TAOK1: variants seen among roughly 807,000 people sequenced by gnomAD.
TAOK1 encodes the protein serine/threonine-protein kinase TAO1.
In TAOK1, 21 loss-of-function variants were observed where a neutral mutation model predicts 138.3. That is an observed-to-expected ratio of 0.15 (90% CI 0.11 to 0.22). The LOEUF is 0.22. Ranked by LOEUF, TAOK1 falls within the 10% of genes least tolerant of loss-of-function variation. The pLI is 1.00. For missense variants in TAOK1, 651 were observed against 1,227.7 expected (o/e 0.53, Z 7.02); for synonymous variants, 361 against 398.4 (o/e 0.91, Z 1.12).
At chr17:29,400,371 CAA>C (rs1480857975) in intron 1 of TAOK1, among the ~76,000 whole-genome samples, 6 of 118,312 alleles carry the variant, frequency 5.1e-5, no homozygotes, top group African/African-American at 1.3e-4. Context: ...GCCTGGGAGA[CAA>C]GAGCAAAACT....
At chr17:29,515,322 G>A (rs1024475379) in intron 15 of TAOK1, among the ~76,000 whole-genome samples, 2 of 152,094 alleles carry the variant, frequency 1.3e-5, no homozygotes, top group African/African-American at 4.8e-5. Context: ...ATGTTTAACT[G>A]TATTTTTGTC....
chr17:29,499,811 T>C (rs779270263), intron 12 of TAOK1, among the ~76,000 whole-genome samples: 3 of 152,116 alleles, frequency 2.0e-5, no homozygotes, highest in Admixed American at 6.6e-5. Context: ...TCCACCTGCA[T>C]TGGCCTCCCA....
chr17:29,509,660 G>T (rs749513110), intron 14 of TAOK1, among the ~76,000 whole-genome samples: 1 of 151,862 alleles, frequency 6.6e-6, no homozygotes, highest in African/African-American at 2.4e-5. Flanking sequence ...TTGGGAGGCC[G>T]AGGTGAGAAG....
chr17:29,463,534 G>A (rs1298070555), intron 2 of TAOK1, among the ~76,000 whole-genome samples: 2 of 149,824 alleles, frequency 1.3e-5, no homozygotes, highest in Non-Finnish European at 2.9e-5. Context: ...TTGCGCCACC[G>A]CACTCCAGCC....
intron 13 of TAOK1, among the ~76,000 whole-genome samples, chr17:29,504,452 C>T (rs1163363491): frequency 6.6e-6 from 1 of 151,652 alleles, no homozygotes; most frequent in African/African-American, 2.4e-5. Flanking sequence ...GGTGGATCAC[C>T]TGAGGTCAGG....
At chr17:29,489,613 T>G in intron 8 of TAOK1, 51 bp from the exon 9 acceptor site, 1 of 1,265,286 alleles carries the variant, frequency 7.9e-7, no homozygotes, top group Non-Finnish European at 1.1e-6. Flanking sequence ...TGCCCAGGAC[T>G]TGAGTACCCC....
At chr17:29,530,254 A>G (rs2032079706) in intron 17 of TAOK1, among the ~76,000 whole-genome samples, 153 bp from the exon 18 acceptor site, 1 of 152,194 alleles carries the variant, frequency 6.6e-6, no homozygotes, top group African/African-American at 2.4e-5. Flanking sequence ...CCAAATAGCC[A>G]AGTGCAAAAA....
Position 29,542,804 on chromosome 17 carries a change from C to T in TAOK1, c.2788C>T (p.Pro930Ser), listed in dbSNP as rs1050842579. The T allele has an allele frequency of 9.3e-6, 15 of 1,614,154 alleles. No individual in the cohort carries two copies. The highest frequency in any genetic ancestry group is 1.1e-5 in the Non-Finnish European group (13 of 1,180,002). The change falls in exon 20 of 20, where the codon CCA (proline) becomes TCA (serine). Residue 930 changes from proline to serine, a missense_variant. Physicochemically the swap from Pro to Ser is moderately conservative, Grantham distance 74. Coordinates refer to ENST00000261716, the MANE Select transcript of TAOK1 (RefSeq NM_020791.4). The part of the protein sequence containing the change: ...PHWGHPMGGP[P>S]QAWGHPMQGG... The stretch of plus-strand genomic sequence containing the variant: ...CTGGGGTCATCCCATGGGTGGCCCA[C>T]CACAAGCTTGGGGCCATCCAATGCA...
At chr17:29,439,786 G>T (rs1391784374) in intron 1 of TAOK1, among the ~76,000 whole-genome samples, 1 of 150,784 alleles carries the variant, frequency 6.6e-6, no homozygotes, top group African/African-American at 2.4e-5. Flanking sequence ...CTACTTAGGA[G>T]GCTGAGGCAG....
At chr17:29,533,811 G>A (rs2032173264) in intron 18 of TAOK1, among the ~76,000 whole-genome samples, 1 of 6,574 alleles carries the variant, frequency 1.5e-4, no homozygotes, top group African/African-American at 9.4e-4. Context: ...GCTTCGGCTC[G>A]GCATCAGAGG....
At chr17:29,526,359 A>C (rs190969366) in intron 17 of TAOK1, among the ~76,000 whole-genome samples, 63 of 152,264 alleles carry the variant, frequency 4.1e-4, no homozygotes, top group African/African-American at 1.4e-3. Flanking sequence ...GATACTATCT[A>C]AATTTCATTG....
chr17:29,495,117 C>G (rs567127050), intron 10 of TAOK1, among the ~76,000 whole-genome samples: 2 of 152,114 alleles, frequency 1.3e-5, no homozygotes, highest in Admixed American at 1.3e-4. Context: ...ATATTGTTCA[C>G]GCAGCATATA....
intron 1 of TAOK1, among the ~76,000 whole-genome samples, chr17:29,423,044 T>C (rs908806294): frequency 4.6e-5 from 7 of 151,790 alleles, no homozygotes; most frequent in Non-Finnish European, 1.0e-4. Flanking sequence ...AACAAAAATC[T>C]AGCTGTTGGT....
At chr17:29,501,259 C>T (rs1292410023) in intron 12 of TAOK1, among the ~76,000 whole-genome samples, 1 of 144,626 alleles carries the variant, frequency 6.9e-6, no homozygotes, top group Non-Finnish European at 1.5e-5. Flanking sequence ...AAAAGAAAAA[C>T]AGCCAGGTGT....
chr17:29,482,206 A>G lies in TAOK1; in HGVS notation c.573A>G (p.Pro191=). ...SFVGTPYWMA[P]EVILAMDEGQ... Reference sequence around the variant, plus strand: ...TAACGTTTTGTTCTAGGATGGCCCCAGAAGTAATTTTAGCCATGGATGAAG... The same window carrying G: ...TAACGTTTTGTTCTAGGATGGCCCCGGAAGTAATTTTAGCCATGGATGAAG... Residue 191 remains proline (P), a synonymous_variant, in exon 8 of 20, where the codon CCA becomes CCG. Transcript: ENST00000261716. 6.2e-7 allele frequency: 1 copy of G among 1,611,102 alleles called. No homozygotes were observed. The highest frequency in any genetic ancestry group is 8.5e-7 in the Non-Finnish European group (1 of 1,178,814).
intron 1 of TAOK1, among the ~76,000 whole-genome samples, chr17:29,447,261 A>G (rs933745008): frequency 1.3e-5 from 2 of 151,296 alleles, no homozygotes; most frequent in African/African-American, 4.9e-5. Flanking sequence ...GATGTTGTCC[A>G]TTTCTTCTCT....
intron 17 of TAOK1, among the ~76,000 whole-genome samples, chr17:29,526,232 C>T (rs761038643): frequency 5.3e-5 from 8 of 151,844 alleles, no homozygotes; most frequent in Non-Finnish European, 8.8e-5. Flanking sequence ...TTACGGTGAG[C>T]CAAGATCGCG....
intron 2 of TAOK1, among the ~76,000 whole-genome samples, chr17:29,454,337 A>C (rs886674318): frequency 2.0e-5 from 3 of 152,046 alleles, no homozygotes; most frequent in Non-Finnish European, 4.4e-5. Flanking sequence ...GGTAAGTTTG[A>C]GATCAAGAGG....
intron 2 of TAOK1, among the ~76,000 whole-genome samples, chr17:29,454,365 T>C (rs1475850248): frequency 6.6e-6 from 1 of 152,194 alleles, no homozygotes; most frequent in Non-Finnish European, 1.5e-5. Flanking sequence ...CCTCCAACTT[T>C]GTTATTCTTC....
Sources: gnomAD v4.1 joint callset for allele counts (sites outside exome capture counted in the v4.1 genomes callset) on GRCh38, gnomAD v4.1.1 for gene constraint, MANE v1.5 for transcripts, NCBI Gene and HGNC (gene_info 2026-07-23, HGNC 2026-07-21) for gene names.